The following FGF14 variants were observed in gnomAD, a reference collection of about 807,000 sequenced individuals.
FGF14 encodes the protein fibroblast growth factor 14.
FGF14 carries 5 observed loss-of-function variants against 25.5 expected under a neutral mutation model. The ratio of observed to expected loss-of-function variants is 0.20; its 90% CI spans 0.10 to 0.41. The LOEUF is 0.41. Ranked by LOEUF, FGF14 falls within the 10% of genes least tolerant of loss-of-function variation. FGF14 has a pLI of 1.00. For missense variants in FGF14, 222 were observed against 320.1 expected (o/e 0.69, Z 2.34); for synonymous variants, 138 against 118.3 (o/e 1.17, Z -1.08).
At chr13:102,253,811 T>C (rs192253475) in intron 1 of FGF14, among the ~76,000 whole-genome samples, 1 of 152,338 alleles carries the variant, frequency 6.6e-6, no homozygotes, top group East Asian at 1.9e-4. Context: ...GAAAGAACTG[T>C]AAACTGTAAA....
At chr13:102,361,166 T>C (rs1459821441) in intron 1 of FGF14, among the ~76,000 whole-genome samples, 1 of 152,178 alleles carries the variant, frequency 6.6e-6, no homozygotes, top group Non-Finnish European at 1.5e-5. Flanking sequence ...GCATCTCATT[T>C]CAAGACAGAC....
intron 3 of FGF14, among the ~76,000 whole-genome samples, chr13:101,816,052 C>T (rs893619963): frequency 6.6e-6 from 1 of 151,704 alleles, no homozygotes; most frequent in Non-Finnish European, 1.5e-5. Context: ...GGGCGGATCA[C>T]GAGGTCAGGA....
At chr13:101,981,246 C>T (rs2038242706) in intron 1 of FGF14, among the ~76,000 whole-genome samples, 1 of 151,850 alleles carries the variant, frequency 6.6e-6, no homozygotes, top group Non-Finnish European at 1.5e-5. Flanking sequence ...CGTCATTGCA[C>T]TCCAGCCTGA....
At chr13:101,909,463 T>C (rs1462444102) in intron 1 of FGF14, among the ~76,000 whole-genome samples, 1 of 152,172 alleles carries the variant, frequency 6.6e-6, no homozygotes, top group Non-Finnish European at 1.5e-5. Flanking sequence ...AAAGAAGACA[T>C]TTATGCAGCC....
chr13:102,307,479 A>G (rs1230420404), intron 1 of FGF14, among the ~76,000 whole-genome samples: 1 of 152,170 alleles, frequency 6.6e-6, no homozygotes, highest in Admixed American at 6.5e-5. Flanking sequence ...ACTGGCTTAT[A>G]ATTTGAGTTT....
At chr13:102,182,093 T>G (rs1594309862) in intron 1 of FGF14, among the ~76,000 whole-genome samples, 1 of 152,140 alleles carries the variant, frequency 6.6e-6, no homozygotes, top group Non-Finnish European at 1.5e-5. Context: ...GTGAAATTTA[T>G]CCTGAGTTAT....
At chr13:101,986,044 T>C (rs1028298530) in intron 1 of FGF14, among the ~76,000 whole-genome samples, 1 of 152,114 alleles carries the variant, frequency 6.6e-6, no homozygotes, top group African/African-American at 2.4e-5. Flanking sequence ...AGGAAATTAA[T>C]TTTGCCTGGA....
At position 101,713,647 on chromosome 13, in the gene FGF14, T is replaced by TG. The variant is rs1257808986; in HGVS notation, c.*9183dup. The TG allele has an allele frequency of 1.3e-5, 2 of 152,222 alleles. No homozygotes were observed. The highest frequency in any genetic ancestry group is 2.9e-5 in the Non-Finnish European group (2 of 68,034). The allele number at this position is 152,222 out of a possible 1,614,324, so 9.4% of individuals were successfully genotyped here. ...GTTTAGACTGAGAGAACTTCTGTCT[T>TG]GGATACCATTCATCATCTCATTTAT... On this transcript the variant is annotated 3_prime_UTR_variant, in exon 5 of 5. Transcript: ENST00000376143.
intron 1 of FGF14, among the ~76,000 whole-genome samples, chr13:102,121,228 C>T (rs4771419): frequency 0.035 from 5,321 of 152,046 alleles, 318 homozygotes; most frequent in East Asian, 0.2. Context: ...CAAAGGAAAG[C>T]CATACTTCTC....
chr13:102,357,012 C>G lies in FGF14; in HGVS notation c.208+44459G>C, dbSNP rs1242336733. On this transcript the variant is annotated intron_variant, in intron 1 of 4. Coordinates refer to the FGF14 transcript ENST00000376131. ...AATATCTAGAAAGTTCCATTTCACACTGTTAAAAGAGACTATTGCTAGGAA... is the reference window on the plus strand; with the variant it reads ...AATATCTAGAAAGTTCCATTTCACAGTGTTAAAAGAGACTATTGCTAGGAA... Among the ~76,000 whole-genome samples the G allele has an allele frequency of 2.0e-5, 3 of 151,110 alleles. No homozygotes were observed. In the South Asian group the frequency reaches 6.3e-4, roughly 31 times the overall value.
At chr13:101,805,309 A>G (rs778704666) in intron 3 of FGF14, among the ~76,000 whole-genome samples, 1 of 152,188 alleles carries the variant, frequency 6.6e-6, no homozygotes, top group Non-Finnish European at 1.5e-5. Flanking sequence ...GATATTTATC[A>G]TAGGTAAATC....
intron 3 of FGF14, among the ~76,000 whole-genome samples, chr13:101,840,670 C>T (rs528248504): frequency 6.6e-6 from 1 of 151,914 alleles, no homozygotes; most frequent in South Asian, 2.1e-4. Context: ...TGTAAATGTA[C>T]TATTTTGTGC....
At chr13:102,151,524 A>C (rs2047085265) in intron 1 of FGF14, among the ~76,000 whole-genome samples, 1 of 152,146 alleles carries the variant, frequency 6.6e-6, no homozygotes, top group Admixed American at 6.5e-5. Flanking sequence ...TTTGAGACAG[A>C]GTTTCACTCT....
intron 3 of FGF14, among the ~76,000 whole-genome samples, chr13:101,865,212 A>C (rs1298964132): frequency 1.3e-5 from 2 of 152,240 alleles, no homozygotes; most frequent in East Asian, 3.9e-4. Flanking sequence ...TACAATTTAC[A>C]TTCCAAACCT....
intron 3 of FGF14, among the ~76,000 whole-genome samples, chr13:101,858,745 C>T (rs528314514): frequency 5.9e-5 from 9 of 152,020 alleles, no homozygotes; most frequent in African/African-American, 7.2e-5. Context: ...TCTTCTTTGA[C>T]GCTGAAAGAA....
chr13:101,785,633 C>A (rs1397440385), intron 3 of FGF14, among the ~76,000 whole-genome samples: 1 of 152,004 alleles, frequency 6.6e-6, no homozygotes, highest in Non-Finnish European at 1.5e-5. Flanking sequence ...TAACTATTAT[C>A]AATATCTATC....
At chr13:102,106,720 TTC>T (rs2044941935) in intron 1 of FGF14, among the ~76,000 whole-genome samples, 2 of 152,220 alleles carry the variant, frequency 1.3e-5, no homozygotes, top group Non-Finnish European at 1.5e-5. Context: ...GTGCAAATAT[TTC>T]TGTTTGTGTT....
At chr13:101,967,095 T>G (rs1484606496) in intron 1 of FGF14, among the ~76,000 whole-genome samples, 1 of 152,168 alleles carries the variant, frequency 6.6e-6, no homozygotes, top group African/African-American at 2.4e-5. Flanking sequence ...TCTGTGACAT[T>G]CATTAGGTTC....
At chr13:101,784,696 C>G (rs1477600126) in intron 3 of FGF14, among the ~76,000 whole-genome samples, 1 of 152,156 alleles carries the variant, frequency 6.6e-6, no homozygotes, top group Non-Finnish European at 1.5e-5. Flanking sequence ...TCTAATCTTT[C>G]TCTTGTCCCA....
Sources: allele counts gnomAD v4.1 joint callset (sites outside exome capture counted in the v4.1 genomes callset), GRCh38; gene constraint gnomAD v4.1.1; transcripts MANE v1.5; gene names NCBI Gene and HGNC (gene_info 2026-07-23, HGNC 2026-07-21).